Variants in TUT1 observed in about 807,000 individuals in gnomAD.
The protein encoded by TUT1 is terminal uridylyl transferase 1, U6 snRNA-specific.
Under a neutral mutation model 48.8 loss-of-function variants are expected in TUT1, and 26 were observed. The ratio of observed to expected loss-of-function variants is 0.53; its 90% CI spans 0.39 to 0.74. TUT1 has a LOEUF of 0.74. Ranked by LOEUF, TUT1 falls within the 30% of genes least tolerant of loss-of-function variation. The probability of loss-of-function intolerance (pLI) is 0.00; values close to 1 mark genes in which losing one functional copy is unlikely to be tolerated. For missense variants in TUT1, 1,065 were observed against 1,114.8 expected (o/e 0.96, Z 0.64); for synonymous variants, 470 against 460.8 (o/e 1.02, Z -0.26).
chr11:62,576,861 G>A (rs771243079), intron 7 of TUT1, 46 bp downstream of exon 7: 22 of 1,600,992 alleles, frequency 1.4e-5, no homozygotes, highest in Non-Finnish European at 1.9e-5. Context: ...ATGAAGAAGA[G>A]AGAGGAAACT....
intron 2 of TUT1, 32 bp from the exon 3 acceptor site, chr11:62,581,733 T>C: frequency 1.4e-6 from 2 of 1,396,438 alleles, no homozygotes; most frequent in Non-Finnish European, 1.9e-6. Context: ...GATGATGATT[T>C]TGGAACCAAG....
At position 62,581,692 on chromosome 11, in the gene TUT1, C is replaced by G; in HGVS notation, c.283G>C (p.Ala95Pro). The G allele has an allele frequency of 6.9e-7, 1 of 1,458,472 alleles. No homozygotes were observed. The highest frequency in any genetic ancestry group is 9.1e-7 in the Non-Finnish European group (1 of 1,103,016). The allele number at this position is 1,458,472 out of a possible 1,614,324, so 90.3% of individuals were successfully genotyped here. Residue 95 changes from alanine (A) to proline (P), a missense_variant, in exon 3 of 9, where the codon GCC (alanine) becomes CCC (proline). By Grantham distance (27) the Ala-to-Pro change is conservative. Transcript: ENST00000476907. ...CCCACGTCCCCCATCTCCACAATGG[C>G]AAACACTCCCTGGTAAACAACAGGG... ...VVMDKDKGVFAIVEMGDVGAR... is the reference protein window; with the variant it reads ...VVMDKDKGVFPIVEMGDVGAR...
At chr11:62,591,064 C>T (rs1007421737) in intron 1 of TUT1, among the ~76,000 whole-genome samples, 5 of 152,196 alleles carry the variant, frequency 3.3e-5, no homozygotes, top group Admixed American at 6.5e-5. Flanking sequence ...GAAACTTTCT[C>T]ATTCTCTAGA....
chr11:62,577,629 G>A (rs1223182943), intron 5 of TUT1, among the ~76,000 whole-genome samples: 2 of 150,030 alleles, frequency 1.3e-5, no homozygotes, highest in African/African-American at 4.9e-5. Context: ...ACTATGCAAA[G>A]AAACAAAGAC....
At chr11:62,576,273 G>C in intron 8 of TUT1, 29 bp from the exon 9 acceptor site, 1 of 1,515,760 alleles carries the variant, frequency 6.6e-7, no homozygotes, top group Non-Finnish European at 8.8e-7. Flanking sequence ...TGGGGAAAGG[G>C]GGGTCACTTA....
intron 1 of TUT1, 74 bp downstream of exon 1, chr11:62,591,323 TACCTATA>T: frequency 1.4e-6 from 2 of 1,448,154 alleles, no homozygotes; most frequent in Non-Finnish European, 1.8e-6. Context: ...AACGACTGAC[TACCTATA>T]ACCCTAACTT....
Position 62,575,978 on chromosome 11 carries a change from G to A in TUT1, c.1741C>T (p.Arg581Cys), listed in dbSNP as rs984543737. 1.2e-6 allele frequency: 2 copies of A among 1,613,948 alleles called. No homozygotes were observed. The highest frequency in any genetic ancestry group is 1.3e-5 in the African/African-American group (1 of 74,944). ...ANYCRSLQYQRRSSRGRDWGL... is the reference protein window; with the variant it reads ...ANYCRSLQYQCRSSRGRDWGL... ...CAGTCCCGACCCCGGGAGGAACGGCGCTGGTACTGGAGGCTTCGGCAGTAA... is the reference window on the plus strand; with the variant it reads ...CAGTCCCGACCCCGGGAGGAACGGCACTGGTACTGGAGGCTTCGGCAGTAA... The change falls in exon 9 of 9, where the codon CGC (arginine) becomes TGC (cysteine). Residue 581 changes from arginine to cysteine, a missense_variant. By Grantham distance (180) the Arg-to-Cys change is radical. Transcript: ENST00000476907.
intron 5 of TUT1, 43 bp downstream of exon 5, chr11:62,578,518 C>T (rs1333687257): frequency 6.5e-7 from 1 of 1,534,466 alleles, no homozygotes; most frequent in Non-Finnish European, 8.8e-7. Flanking sequence ...GTACTCCAGC[C>T]TGGGCAACGA....
rs1210700896 is a variant in TUT1 at position 62,591,423 on chromosome 11, G to A, written c.63C>T (p.Cys21=). 3 of 1,601,284 alleles carry A rather than the reference G, an allele frequency of 1.9e-6. No individual in the cohort carries two copies. The highest frequency in any genetic ancestry group is 2.6e-6 in the Non-Finnish European group (3 of 1,174,410). The change falls in exon 1 of 9, where the codon TGC becomes TGT. Residue 21 remains cysteine, a synonymous_variant. Transcript: ENST00000476907. ...GCTTACGGTTGGCTGTAGTAACGTG[G>A]CAGAGGCAGCAGCGGAACCCCCCAC... is the stretch of plus-strand genomic sequence containing the variant. ...LPRGGFRCCL[C]HVTTANRPSL...
intron 4 of TUT1, 30 bp downstream of exon 4, chr11:62,581,076 C>A (rs564306975): frequency 6.3e-7 from 1 of 1,589,346 alleles, no homozygotes; most frequent in East Asian, 2.2e-5. Flanking sequence ...ATGGACTTTT[C>A]CCAGCTGCCT....
chr11:62,580,904 C>T (rs1435142013), intron 4 of TUT1, among the ~76,000 whole-genome samples: 2 of 152,182 alleles, frequency 1.3e-5, no homozygotes, highest in Non-Finnish European at 2.9e-5. Flanking sequence ...GCCACTGCGC[C>T]TGGCCCTGTC....
Position 62,575,436 on chromosome 11 carries a change from G to T in TUT1, c.2283C>A (p.Pro761=), listed in dbSNP as rs1406311495. 1 of 1,611,238 alleles carries T rather than the reference G, an allele frequency of 6.2e-7. No individual in the cohort carries two copies. The highest frequency in any genetic ancestry group is 1.7e-5 in the Admixed American group (1 of 60,018). The change falls in exon 9 of 9, where the codon CCC becomes CCA. Residue 761 remains proline (P), a synonymous_variant. Transcript: ENST00000476907. ...QGEAGKGASL[P]SSASWRCALW... ...AGGCACAGCGCCAGCTCGCTGAGGA[G>T]GGCAGGGATGCCCCCTTCCCTGCCT...
chr11:62,576,578 GCA>G, intron 8 of TUT1, 77 bp downstream of exon 8: 1 of 1,211,104 alleles, frequency 8.3e-7, no homozygotes, highest in Non-Finnish European at 1.2e-6. Flanking sequence ...ACCATGCCTG[GCA>G]CACAGTTAGT....
intron 2 of TUT1, among the ~76,000 whole-genome samples, chr11:62,584,939 A>G (rs934206755): frequency 6.6e-6 from 1 of 151,748 alleles, no homozygotes; most frequent in African/African-American, 2.4e-5. Context: ...CTCCTGCCTC[A>G]GTCTCCTGAA....
At position 62,575,487 on chromosome 11, in the gene TUT1, C is replaced by T. The variant is rs746225172; in HGVS notation, c.2232G>A (p.Glu744=). Residue 744 remains glutamate (E), a synonymous_variant, in exon 9 of 9, where the codon GAG becomes GAA. Coordinates refer to ENST00000476907, the MANE Select transcript of TUT1 (RefSeq NM_022830.3). ...CACCCTGAGACCATTCTTGGGCTGC[C>T]TCATGTCCCTTGGGCCCCCGCTCTG... ...ALAERGPKGH[E]AAQEWSQGEA... is the part of the protein sequence containing the mutation. The T allele has an allele frequency of 3.7e-6, 6 of 1,612,598 alleles. No individual in the cohort carries two copies. Among genetic ancestry groups the T allele is most frequent in the South Asian group, 3.3e-5 (3 of 91,088 alleles).
rs978420528 is a variant in TUT1 at position 62,575,309 on chromosome 11, G to A, written c.2410C>T (p.Leu804=). 6.2e-6 allele frequency: 10 copies of A among 1,614,062 alleles called. No individual in the cohort carries two copies. Among genetic ancestry groups the A allele is most frequent in the African/African-American group, 4.0e-5 (3 of 74,926 alleles). The change falls in exon 9 of 9, where the codon CTG becomes TTG. Residue 804 remains leucine, a synonymous_variant. Transcript: ENST00000476907. ...TGGGTGACCTGAGCCTCAGTCGCCAGCCACCCTGCTCTTGTGCCAGCGCCA... is the reference window on the plus strand; with the variant it reads ...TGGGTGACCTGAGCCTCAGTCGCCAACCACCCTGCTCTTGTGCCAGCGCCA... The part of the protein sequence containing the change: ...GGGAGTRAGW[L]ATEAQVTQEL...
In TUT1 at chr11:62,575,873, A is replaced by G. The variant is rs140385937; in HGVS notation, c.1846T>C (p.Phe616Leu). The change falls in exon 9 of 9, where the codon TTC becomes CTC. Residue 616 changes from phenylalanine to leucine, a missense_variant. Physicochemically the swap from Phe to Leu is conservative, Grantham distance 22. Coordinates refer to ENST00000476907, the MANE Select transcript of TUT1 (RefSeq NM_022830.3). ...ACCAGGGCAGCAGTGAGCTGGGTGA[A>G]GGGTGCAAGGGGTAAAGGGATCGGC... ...ATPIPLPLAP[F>L]TQLTAALVQV... is the part of the protein sequence containing the mutation. 2 of 1,614,144 alleles carry G rather than the reference A, an allele frequency of 1.2e-6. No individual in the cohort carries two copies. The highest frequency in any genetic ancestry group is 2.7e-5 in the African/African-American group (2 of 75,040).
intron 4 of TUT1, among the ~76,000 whole-genome samples, chr11:62,580,073 G>A (rs371753285): frequency 9.9e-5 from 15 of 152,188 alleles, no homozygotes; most frequent in African/African-American, 3.4e-4. Context: ...CCAGGAGTTC[G>A]AGACCAGCCT....
rs1941705777 is a variant in TUT1, at chr11:62,575,510, C to T, written c.2209G>A (p.Glu737Lys). Residue 737 changes from glutamate (E) to lysine (K), a missense_variant, in exon 9 of 9, where the codon GAG (glutamate) becomes AAG (lysine). Transcript: ENST00000476907. ...GCCTCATGTCCCTTGGGCCCCCGCT[C>T]TGCCAGGGCTGCGTGGCTGGGCTGC... ...EGQPSHAALAERGPKGHEAAQ... is the reference protein window; with the variant it reads ...EGQPSHAALAKRGPKGHEAAQ... 1 of 1,613,284 alleles carries T rather than the reference C, an allele frequency of 6.2e-7. No homozygotes were observed. Among genetic ancestry groups the T allele is most frequent in the Non-Finnish European group, 8.5e-7 (1 of 1,180,032 alleles).
Sources: gnomAD v4.1 joint callset for allele counts (sites outside exome capture counted in the v4.1 genomes callset) on GRCh38, gnomAD v4.1.1 for gene constraint, MANE v1.5 for transcripts, NCBI Gene and HGNC (gene_info 2026-07-23, HGNC 2026-07-21) for gene names.